The following PFDN5 variants were observed in gnomAD, a reference collection of about 807,000 sequenced individuals.
PFDN5 encodes c-myc binding protein.
In PFDN5, 13 loss-of-function variants were observed where a neutral mutation model predicts 21.5. That is an observed-to-expected ratio of 0.60 (90% confidence interval 0.39 to 0.96). PFDN5 has a LOEUF of 0.96. PFDN5 is among the 40% of genes least tolerant of loss of function. The pLI is 0.00. For synonymous variants in PFDN5, 84 were observed against 68.9 expected (o/e 1.22, Z -1.08); for missense variants, 188 against 186.2 (o/e 1.01, Z -0.06).
At position 53,295,556 on chromosome 12, in the gene PFDN5, G is replaced by T. The variant is rs767918925; in HGVS notation, c.-12G>T. The T allele has an allele frequency of 1.2e-6, 2 of 1,610,566 alleles. No homozygotes were observed. The highest frequency in any genetic ancestry group is 1.7e-6 in the Non-Finnish European group (2 of 1,177,220). ...CGAGAGACTTCCTCTTCGTTAAGTC[G>T]GCCTTCCCAACATGGCGCAGTCTAT... On this transcript the variant is annotated 5_prime_UTR_variant, in exon 1 of 6. Transcript: ENST00000334478.
At chr12:53,296,523 C>T in intron 3 of PFDN5, 1 of 611,748 alleles carries the variant, frequency 1.6e-6, no homozygotes, top group South Asian at 1.7e-5. Flanking sequence ...ATTCTTCTGC[C>T]TCAGTCTCCC....
intron 3 of PFDN5, chr12:53,297,543 A>G (rs1321829670): frequency 9.4e-6 from 2 of 212,130 alleles, no homozygotes; most frequent in Non-Finnish European, 1.7e-5. Flanking sequence ...CAACAGTAGG[A>G]AAACATGTCT....
rs1487989850 is a variant in PFDN5 at position 53,295,648 on chromosome 12, G to A, written c.72+9G>A. On this transcript the variant is annotated intron_variant, in intron 1 of 5. Transcript: ENST00000334478. ...AGAACCAGCTGGACCAGGTGGGGAC[G>A]GGCCCCAGAGGCACCTCTTTCCTGC... 1.2e-6 allele frequency: 2 copies of A among 1,608,924 alleles called. No individual in the cohort carries two copies. Among genetic ancestry groups the A allele is most frequent in the Non-Finnish European group, 1.7e-6 (2 of 1,175,268 alleles).
At chr12:53,298,278 G>C in intron 5 of PFDN5, 128 bp downstream of exon 5, 1 of 671,752 alleles carries the variant, frequency 1.5e-6, no homozygotes, top group Admixed American at 2.3e-5. Context: ...GGCATCTTTA[G>C]AATCTGTGTA....
At chr12:53,298,676 A>G (rs995514535) in intron 5 of PFDN5, 1 of 159,344 alleles carries the variant, frequency 6.3e-6, no homozygotes, top group African/African-American at 2.4e-5. Context: ...TGTCAGACTC[A>G]TTTAATACCA....
chr12:53,298,648 A>C (rs1484947471), intron 5 of PFDN5: 2 of 159,474 alleles, frequency 1.3e-5, no homozygotes, highest in African/African-American at 4.8e-5. Flanking sequence ...ATCTTTCCCC[A>C]TCATAGTTTT....
At chr12:53,296,110 C>T in intron 2 of PFDN5, 134 bp from the exon 3 acceptor site, 1 of 818,388 alleles carries the variant, frequency 1.2e-6, no homozygotes, top group South Asian at 1.4e-5. Flanking sequence ...ACAGGACATT[C>T]CTCTGCTCCT....
intron 3 of PFDN5, 145 bp downstream of exon 3, chr12:53,296,420 C>A (rs1258244246): frequency 1.4e-6 from 1 of 721,438 alleles, no homozygotes; most frequent in Non-Finnish European, 2.4e-6. Context: ...TTTTTTCTTT[C>A]TTTTTTGAGA....
Position 53,297,903 on chromosome 12 carries a change from A to C in PFDN5, c.261A>C (p.Gly87=). Reference sequence around the variant, plus strand: ...TGGAACACGTGCTCATCGATGTGGGAACTGGGTACTATGTAGAGAAGGTGA... The same window carrying C: ...TGGAACACGTGCTCATCGATGTGGGCACTGGGTACTATGTAGAGAAGGTGA... The part of the protein sequence containing the change: ...HDVEHVLIDV[G]TGYYVEKTAE... Residue 87 remains glycine, a synonymous_variant, in exon 4 of 6, where the codon GGA becomes GGC. Coordinates refer to ENST00000334478, the MANE Select transcript of PFDN5 (RefSeq NM_002624.4). 3 of 1,613,120 alleles carry C rather than the reference A, an allele frequency of 1.9e-6. No homozygotes were observed. The highest frequency in any genetic ancestry group is 2.5e-6 in the Non-Finnish European group (3 of 1,179,316).
At chr12:53,296,297 CTA>C (rs1183599161) in intron 3 of PFDN5, 22 bp downstream of exon 3, 1 of 1,589,112 alleles carries the variant, frequency 6.3e-7, no homozygotes, top group Non-Finnish European at 8.6e-7. Flanking sequence ...ACAGGAACGG[CTA>C]CCTGCTGCCT....
At chr12:53,299,136 C>CG in intron 5 of PFDN5, 133 bp from the exon 6 acceptor site, 1 of 358,606 alleles carries the variant, frequency 2.8e-6, no homozygotes, top group Non-Finnish European at 5.2e-6. Flanking sequence ...GATTCTGTCT[C>CG]AAAAAAAAAA....
chr12:53,298,464 C>T (rs962554720), intron 5 of PFDN5: 8 of 247,646 alleles, frequency 3.2e-5, no homozygotes, highest in African/African-American at 1.1e-4. Context: ...ATTATAACCC[C>T]GACTGCACAT....
chr12:53,295,867 C>G lies in PFDN5; in HGVS notation c.101C>G (p.Ala34Gly). The stretch of plus-strand genomic sequence containing the variant: ...GTGGAGTTCTTGTCCACGTCCATTG[C>G]TCAGCTCAAAGTGGTACAGACCAAG... ...QEVEFLSTSI[A>G]QLKVVQTKYV... Residue 34 changes from alanine (A) to glycine (G), a missense_variant, in exon 2 of 6, where the codon GCT becomes GGT. By Grantham distance (60) the Ala-to-Gly change is moderately conservative (BLOSUM62 0). Coordinates refer to ENST00000334478, the MANE Select transcript of PFDN5 (RefSeq NM_002624.4). 1 of 1,609,002 alleles carries G rather than the reference C, an allele frequency of 6.2e-7. No homozygotes were observed. Among genetic ancestry groups the G allele is most frequent in the Non-Finnish European group, 8.5e-7 (1 of 1,175,298 alleles).
chr12:53,295,940 G>A lies in PFDN5; in HGVS notation c.174G>A (p.Glu58=). ...DCLNVLNKSN[E]GKELLVPLTS... is the part of the protein sequence containing the mutation. ...TGAACGTGCTGAACAAGAGCAACGA[G>A]GGTATGGGGTAGGCGGGTGAGGGTA... Residue 58 remains glutamate (E), a splice_region_variant and synonymous_variant, in exon 2 of 6, where the codon GAG becomes GAA. Transcript: ENST00000334478. The A allele has an allele frequency of 6.3e-7, 1 of 1,585,482 alleles. No homozygotes were observed. Among genetic ancestry groups the A allele is most frequent in the Non-Finnish European group, 8.7e-7 (1 of 1,154,216 alleles).
intron 1 of PFDN5, 41 bp from the exon 2 acceptor site, chr12:53,295,798 C>A: frequency 7.4e-7 from 1 of 1,351,228 alleles, no homozygotes; most frequent in Non-Finnish European, 1.1e-6. Flanking sequence ...TCCTTTCTCC[C>A]CTTAGTCCTC....
At chr12:53,297,133 T>TA (rs1038886901) in intron 3 of PFDN5, 64 of 149,482 alleles carry the variant, frequency 4.3e-4, no homozygotes, top group Non-Finnish European at 5.9e-4. Flanking sequence ...GGGAATGGTT[T>TA]AAAAAAAAAA....
rs111475800 is a variant in PFDN5 at position 53,296,695 on chromosome 12, G to A, written c.207+420G>A. Reference sequence around the variant, plus strand: ...AGTGCTAGGATTACATTACAGGCGTGAGCCACTGCCCCCGGCCAAGAATAC... The same window carrying A: ...AGTGCTAGGATTACATTACAGGCGTAAGCCACTGCCCCCGGCCAAGAATAC... On this transcript the variant is annotated intron_variant, in intron 3 of 5. Transcript: ENST00000334478. The A allele has an allele frequency of 4.3e-3, 1,302 of 306,152 alleles. 21 individuals carry two copies. The highest frequency in any genetic ancestry group is 0.027 in the African/African-American group (1,187 of 44,092). The allele number at this position is 306,152 out of a possible 1,614,324, so 19.0% of individuals were successfully genotyped here. A position where few individuals can be genotyped will look rare whatever the true frequency, so the allele number is the denominator to read the frequency against.
At chr12:53,298,229 C>T in intron 5 of PFDN5, 79 bp downstream of exon 5, 2 of 867,460 alleles carry the variant, frequency 2.3e-6, no homozygotes, top group Middle Eastern at 5.0e-4. Context: ...ACGGGGGTGT[C>T]CCCTTTGCTG....
rs1242333078 is a variant in PFDN5 at position 53,299,267 on chromosome 12, A to G, written c.389-2A>G. On this transcript the variant is annotated splice_acceptor_variant, in intron 5 of 5. Coordinates refer to ENST00000334478, the MANE Select transcript of PFDN5 (RefSeq NM_002624.4). LOFTEE classifies it high-confidence loss of function. Reference sequence around the variant, plus strand: ...ACCTTTGACTCTTATTTTTTTCCACAGCCGTCATGGAAATGATGAGTCAGA... The same window carrying G: ...ACCTTTGACTCTTATTTTTTTCCACGGCCGTCATGGAAATGATGAGTCAGA... The G allele has an allele frequency of 1.2e-6, 2 of 1,608,132 alleles. No individual in the cohort carries two copies. The highest frequency in any genetic ancestry group is 2.2e-5 in the East Asian group (1 of 44,828).
Sources: gnomAD v4.1 joint callset for allele counts on GRCh38, gnomAD v4.1.1 for gene constraint, MANE v1.5 for transcripts, NCBI Gene and HGNC (gene_info 2026-07-23, HGNC 2026-07-21) for gene names.